ERCC1: variants seen among roughly 807,000 people sequenced by gnomAD.
ERCC1 encodes DNA excision repair protein ERCC-1.
In ERCC1, 36 loss-of-function variants were observed where a neutral mutation model predicts 37.6. That is an observed-to-expected ratio of 0.96 (90% CI 0.73 to 1.26). The LOEUF (loss-of-function observed/expected upper bound fraction) is 1.26, where lower values mean the gene tolerates loss of function less well. Ranked by LOEUF, ERCC1 falls within the 50% of genes most tolerant of loss-of-function variation. The probability of loss-of-function intolerance (pLI) is 0.00; values close to 1 mark genes in which losing one functional copy is unlikely to be tolerated. For missense variants in ERCC1, 349 were observed against 376.5 expected (o/e 0.93, Z 0.60); for synonymous variants, 156 against 162.1 (o/e 0.96, Z 0.28).
Position 45,415,123 on chromosome 19 carries a change from C to T in ERCC1, c.603-163G>A, listed in dbSNP as rs144285115. 2.9e-3 allele frequency among the ~76,000 whole-genome samples: 441 copies of T among 150,810 alleles called. 5 individuals are homozygous for T. The highest frequency in any genetic ancestry group is 0.01 in the African/African-American group (419 of 40,946). On this transcript the variant is annotated intron_variant, in intron 6 of 9. Transcript: ENST00000300853. ...ATGAGGCAGGCAGATCATCTGAGGTCAGGAGTTCGAGACCAGCCTGGCCAA... is the reference window on the plus strand; with the variant it reads ...ATGAGGCAGGCAGATCATCTGAGGTTAGGAGTTCGAGACCAGCCTGGCCAA...
At chr19:45,426,578 G>A (rs1974699150), upstream of ERCC1, among the ~76,000 whole-genome samples, 1 of 149,482 alleles carries the variant, frequency 6.7e-6, no homozygotes, top group Non-Finnish European at 1.5e-5. Flanking sequence ...TTTTTTTTGA[G>A]ACAAGGTCTT....
chr19:45,420,281 G>A lies in ERCC1; in HGVS notation c.425+43C>T, dbSNP rs1292729388. The A allele has an allele frequency of 7.8e-7, 1 of 1,279,042 alleles. No individual in the cohort carries two copies. Among genetic ancestry groups the A allele is most frequent in the Admixed American group, 1.8e-5 (1 of 56,024 alleles). The allele number at this position is 1,279,042 out of a possible 1,614,324, so 79.2% of individuals were successfully genotyped here. A position where few individuals can be genotyped will look rare whatever the true frequency, so the allele number is the denominator to read the frequency against. The stretch of plus-strand genomic sequence containing the variant: ...TGGGACATGACCCTCCCAGGCCAGT[G>A]GGGTGCCCTTCCTGAAGTCTGGGGT... On this transcript the variant is annotated intron_variant, in intron 4 of 9. Coordinates refer to ENST00000300853, the MANE Select transcript of ERCC1 (RefSeq NM_001983.4). This position sits in a 1 kb window ranked among gnomAD's most constrained non-coding sequence, Gnocchi z 4.8.
chr19:45,436,620 T>G (rs796962612), intron 1 of ERCC1: 9 of 152,716 alleles, frequency 5.9e-5, no homozygotes, highest in African/African-American at 2.2e-4. Context: ...TGAGACTCCG[T>G]CTCAGACAAA....
At chr19:45,416,744 G>A in intron 6 of ERCC1, 77 bp downstream of exon 6, 1 of 1,090,968 alleles carries the variant, frequency 9.2e-7, no homozygotes. Context: ...GAAGGGAAGG[G>A]CTGGGCAGGG....
intron 1 of ERCC1, among the ~76,000 whole-genome samples, chr19:45,443,924 C>G (rs1402575567): frequency 6.6e-6 from 1 of 151,684 alleles, no homozygotes; most frequent in East Asian, 1.9e-4. Flanking sequence ...TCCCAACGCC[C>G]CCCGAAACTC....
intron 6 of ERCC1, among the ~76,000 whole-genome samples, chr19:45,416,277 T>A (rs563518167): frequency 6.6e-6 from 1 of 152,350 alleles, no homozygotes; most frequent in East Asian, 1.9e-4. Context: ...GCACACAAAG[T>A]GTTTGTACTG....
intron 1 of ERCC1, among the ~76,000 whole-genome samples, chr19:45,444,820 C>T (rs1966894193): frequency 1.3e-5 from 2 of 152,112 alleles, no homozygotes; most frequent in African/African-American, 4.8e-5. Context: ...CATCTTTAGT[C>T]CTCAGGACCT....
chr19:45,423,394 G>C lies in ERCC1; in HGVS notation c.-7-13C>G. Reference sequence around the variant, plus strand: ...GTCCATCTGGAGCCTGAAAGGGAAGGTGCCAGGAGCGAGTGAGCCACTGGC... The same window carrying C: ...GTCCATCTGGAGCCTGAAAGGGAAGCTGCCAGGAGCGAGTGAGCCACTGGC... On this transcript the variant is annotated splice_polypyrimidine_tract_variant and intron_variant, in intron 1 of 9. Coordinates refer to ENST00000300853, the MANE Select transcript of ERCC1 (RefSeq NM_001983.4). 6.2e-7 allele frequency: 1 copy of C among 1,603,638 alleles called. No homozygotes were observed. Among genetic ancestry groups the C allele is most frequent in the Non-Finnish European group, 8.5e-7 (1 of 1,175,430 alleles).
chr19:45,430,860 T>C (rs1974813318), intron 1 of ERCC1, among the ~76,000 whole-genome samples: 1 of 151,970 alleles, frequency 6.6e-6, no homozygotes. Flanking sequence ...TGAGCTGAGA[T>C]TGGGCCACTG....
Position 45,407,509 on chromosome 19 carries a change from G to A in ERCC1, c.*2166C>T. The A allele has an allele frequency of 4.8e-6, 2 of 419,558 alleles. No homozygotes were observed. Among genetic ancestry groups the A allele is most frequent in the Non-Finnish European group, 8.4e-6 (2 of 238,134 alleles). The allele number at this position is 419,558 out of a possible 1,614,324, so 26.0% of individuals were successfully genotyped here. On this transcript the variant is annotated 3_prime_UTR_variant, in exon 10 of 10. Coordinates refer to ENST00000300853, the MANE Select transcript of ERCC1 (RefSeq NM_001983.4). ...AGCTCACTAAAGGTAGGGGCTATTG[G>A]TGTTATCCACGACCATTAATCCTGC... is the stretch of plus-strand genomic sequence containing the variant.
intron 1 of ERCC1, among the ~76,000 whole-genome samples, chr19:45,430,490 G>A (rs1974805507): frequency 6.6e-6 from 1 of 152,152 alleles, no homozygotes; most frequent in South Asian, 2.1e-4. Flanking sequence ...TGGCTCCAAA[G>A]GTGTTCGGTT....
At position 45,409,479 on chromosome 19, in the gene ERCC1, AGCAGC is replaced by A; in HGVS notation, c.*191_*195del. 2.5e-6 allele frequency: 4 copies of A among 1,608,400 alleles called. No homozygotes were observed. The African/African-American group carries it at 5.3e-5, about 21-fold the overall frequency. On this transcript the variant is annotated 3_prime_UTR_variant, in exon 10 of 10. Transcript: ENST00000300853. ...ACAGGCCGGGACAAGAAGCGGAAGCAGCAGCAGCAGCAGCCTGTGTAGTCTGCCCC... is the reference window on the plus strand; with the variant it reads ...ACAGGCCGGGACAAGAAGCGGAAGCAAGCAGCAGCCTGTGTAGTCTGCCCC...
intron 7 of ERCC1, chr19:45,414,490 A>AAT: frequency 3.0e-6 from 1 of 337,880 alleles, no homozygotes; most frequent in South Asian, 2.7e-5. Flanking sequence ...AAAAAAAAAA[A>AAT]GGAATTAGGC....
At chr19:45,427,111 AGAGT>A (rs1441738219), upstream of ERCC1, among the ~76,000 whole-genome samples, 1 of 152,130 alleles carries the variant, frequency 6.6e-6, no homozygotes, top group Non-Finnish European at 1.5e-5. Flanking sequence ...CCTGGGTGAC[AGAGT>A]GAGACCAAAA....
intron 1 of ERCC1, among the ~76,000 whole-genome samples, chr19:45,443,828 A>C (rs1599865770): frequency 1.4e-5 from 2 of 148,136 alleles, no homozygotes; most frequent in African/African-American, 2.5e-5. Flanking sequence ...TCCCAACTCT[A>C]CCCTCCTGTG....
intron 6 of ERCC1, 80 bp from the exon 7 acceptor site, chr19:45,415,040 T>C (rs1354098511): frequency 3.5e-5 from 39 of 1,111,154 alleles, no homozygotes; most frequent in Non-Finnish European, 4.9e-5. Flanking sequence ...GTCATAAGAA[T>C]TGCCAATACT....
chr19:45,439,047 G>T (rs1975052301), intron 1 of ERCC1, among the ~76,000 whole-genome samples: 1 of 151,966 alleles, frequency 6.6e-6, no homozygotes, highest in Admixed American at 6.6e-5. Context: ...TTAGCCAGCC[G>T]TTGTGGCGCA....
In ERCC1 at chr19:45,414,038, G is replaced by GA. The variant is rs1341217910; in HGVS notation, c.703-5dup. On this transcript the variant is annotated splice_polypyrimidine_tract_variant and splice_region_variant and intron_variant, in intron 7 of 9. Coordinates refer to ENST00000300853, the MANE Select transcript of ERCC1 (RefSeq NM_001983.4). ...CGGTGGTCAGACATTCAGTCACCTG[G>GA]AAAGGGTGGAGGCAGGAGTGTGTCG... 6.2e-7 allele frequency: 1 copy of GA among 1,612,072 alleles called. No individual in the cohort carries two copies. Among genetic ancestry groups the GA allele is most frequent in the Non-Finnish European group, 8.5e-7 (1 of 1,179,492 alleles).
intron 1 of ERCC1, 105 bp from the exon 2 acceptor site, chr19:45,423,486 T>C (rs1974567639): frequency 6.7e-7 from 1 of 1,501,838 alleles, no homozygotes. Context: ...CTCCGAGAGC[T>C]CCATAGCGTC....
Sources: allele counts gnomAD v4.1 joint callset (sites outside exome capture counted in the v4.1 genomes callset), GRCh38; gene constraint gnomAD v4.1.1; non-coding constraint Gnocchi (gnomAD v3.1); transcripts MANE v1.5; gene names NCBI Gene and HGNC (gene_info 2026-07-23, HGNC 2026-07-21).